Variants in KCNMB2 observed in about 807,000 individuals in gnomAD.
The protein encoded by KCNMB2 is potassium calcium-activated channel subfamily M regulatory beta subunit 2, also known as calcium-activated potassium channel subunit beta-2.
Under a neutral mutation model 24.5 loss-of-function variants are expected in KCNMB2, and 9 were observed. The observed-to-expected ratio is 0.37, with a 90% CI of 0.22 to 0.64. The LOEUF (loss-of-function observed/expected upper bound fraction) is 0.64. Ranked by LOEUF, KCNMB2 falls within the 30% of genes least tolerant of loss-of-function variation. KCNMB2 has a pLI of 0.63. For synonymous variants in KCNMB2, 109 were observed against 104.4 expected (o/e 1.04, Z -0.27); for missense variants, 226 against 284.3 (o/e 0.79, Z 1.47).
intron 1 of KCNMB2, among the ~76,000 whole-genome samples, chr3:178,572,889 C>T (rs1716854121): frequency 6.6e-6 from 1 of 152,124 alleles, no homozygotes; most frequent in Non-Finnish European, 1.5e-5. Context: ...AAACTGTTTA[C>T]TAATGTTATA....
chr3:178,707,748 C>T (rs1186174487), intron 1 of KCNMB2, among the ~76,000 whole-genome samples: 1 of 152,148 alleles, frequency 6.6e-6, no homozygotes, highest in Non-Finnish European at 1.5e-5. Context: ...GTGATTCTCA[C>T]ACCCTGAGTT....
At chr3:178,645,191 C>G (rs1719877149) in intron 1 of KCNMB2, among the ~76,000 whole-genome samples, 1 of 151,692 alleles carries the variant, frequency 6.6e-6, no homozygotes, top group African/African-American at 2.4e-5. Context: ...GCTGGGATTA[C>G]AGGCATGCAT....
intron 1 of KCNMB2, among the ~76,000 whole-genome samples, chr3:178,670,636 C>T (rs1364363717): frequency 6.6e-6 from 1 of 152,128 alleles, no homozygotes; most frequent in South Asian, 2.1e-4. Flanking sequence ...CCCCATTTTA[C>T]AGGTAATAAA....
At chr3:178,544,398 C>A (rs1283452657) in intron 1 of KCNMB2, among the ~76,000 whole-genome samples, 1 of 152,116 alleles carries the variant, frequency 6.6e-6, no homozygotes, top group South Asian at 2.1e-4. Context: ...CATGGTGGGA[C>A]CTTCCATTCA....
intron 1 of KCNMB2, among the ~76,000 whole-genome samples, chr3:178,712,775 A>C (rs1002539579): frequency 2.0e-5 from 3 of 152,204 alleles, no homozygotes; most frequent in Non-Finnish European, 4.4e-5. Flanking sequence ...TCACAGTGCA[A>C]ACTGCCTTTC....
At chr3:178,591,965 T>G (rs1717691431) in intron 1 of KCNMB2, among the ~76,000 whole-genome samples, 1 of 152,146 alleles carries the variant, frequency 6.6e-6, no homozygotes, top group South Asian at 2.1e-4. Flanking sequence ...CCACCAATGT[T>G]TTTTCTTTTT....
intron 1 of KCNMB2, among the ~76,000 whole-genome samples, chr3:178,746,009 A>C (rs1723653786): frequency 6.6e-6 from 1 of 152,144 alleles, no homozygotes; most frequent in Non-Finnish European, 1.5e-5. Flanking sequence ...TGAGTCTACC[A>C]TTCTGGGGTC....
At chr3:178,811,191 A>G (rs2108455154) in intron 2 of KCNMB2, among the ~76,000 whole-genome samples, 1 of 152,314 alleles carries the variant, frequency 6.6e-6, no homozygotes, top group African/African-American at 2.4e-5. Context: ...GAAGTGATAC[A>G]AATGAATATT....
intron 1 of KCNMB2, among the ~76,000 whole-genome samples, chr3:178,664,902 A>G (rs1228417725): frequency 1.3e-5 from 2 of 152,172 alleles, no homozygotes; most frequent in African/African-American, 4.8e-5. Flanking sequence ...AGGACGATCT[A>G]TACAAAAGAA....
intron 1 of KCNMB2, among the ~76,000 whole-genome samples, chr3:178,754,293 C>G (rs1169422745): frequency 6.6e-6 from 1 of 151,418 alleles, no homozygotes; most frequent in South Asian, 2.1e-4. Context: ...TCAATGAACA[C>G]AAGAGACAGA....
chr3:178,838,412 T>C (rs773999014), intron 4 of KCNMB2, among the ~76,000 whole-genome samples: 10 of 152,176 alleles, frequency 6.6e-5, no homozygotes, highest in Non-Finnish European at 1.0e-4. Flanking sequence ...CATTTATTCT[T>C]AGCTGGTTAA....
chr3:178,809,537 G>T (rs1442855261), intron 2 of KCNMB2, among the ~76,000 whole-genome samples: 3 of 152,192 alleles, frequency 2.0e-5, no homozygotes, highest in Non-Finnish European at 4.4e-5. Context: ...GATGGAATCA[G>T]GATTTGAACC....
At chr3:178,568,834 TA>T (rs11328579) in intron 1 of KCNMB2, among the ~76,000 whole-genome samples, 12 of 28,162 alleles carry the variant, frequency 4.3e-4, no homozygotes, top group African/African-American at 1.7e-3. Context: ...AGATAGATGA[TA>T]GATAGATAGA....
chr3:178,643,810 C>T (rs776422450), intron 1 of KCNMB2, among the ~76,000 whole-genome samples: 19 of 152,158 alleles, frequency 1.2e-4, no homozygotes, highest in Admixed American at 2.6e-4. Context: ...CCTCAATCTA[C>T]ATTGCCTGTT....
intron 4 of KCNMB2, among the ~76,000 whole-genome samples, chr3:178,842,280 AT>A: frequency 6.6e-6 from 1 of 152,336 alleles, no homozygotes; most frequent in East Asian, 1.9e-4. Flanking sequence ...ATAAAGAAGT[AT>A]GTTCAATAGA....
At chr3:178,707,662 AT>A (rs1338194774) in intron 1 of KCNMB2, among the ~76,000 whole-genome samples, 2 of 152,122 alleles carry the variant, frequency 1.3e-5, no homozygotes, top group Non-Finnish European at 2.9e-5. Flanking sequence ...GGCATAAGTA[AT>A]TTTTAAAGGC....
chr3:178,662,549 A>G (rs894387404), intron 1 of KCNMB2, among the ~76,000 whole-genome samples: 1 of 152,152 alleles, frequency 6.6e-6, no homozygotes, highest in African/African-American at 2.4e-5. Context: ...AAGAGCTTGT[A>G]TCATCTATTA....
chr3:178,789,255 A>G (rs997645672), intron 1 of KCNMB2, among the ~76,000 whole-genome samples: 5 of 152,196 alleles, frequency 3.3e-5, no homozygotes, highest in Admixed American at 6.5e-5. Flanking sequence ...TACATAACAC[A>G]TGACAGAGGT....
chr3:178,646,030 T>A (rs1719911540), intron 1 of KCNMB2, among the ~76,000 whole-genome samples: 1 of 152,172 alleles, frequency 6.6e-6, no homozygotes, highest in Non-Finnish European at 1.5e-5. Flanking sequence ...CTCACATCCA[T>A]CTGCATACAG....
Sources: gnomAD v4.1 joint callset for allele counts (sites outside exome capture counted in the v4.1 genomes callset) on GRCh38, gnomAD v4.1.1 for gene constraint, MANE v1.5 for transcripts, NCBI Gene and HGNC (gene_info 2026-07-23, HGNC 2026-07-21) for gene names.